FSTL5: variants seen among roughly 807,000 people sequenced by gnomAD.
FSTL5 encodes the protein follistatin-related protein 5.
In FSTL5, 62 loss-of-function variants were observed where a neutral mutation model predicts 89.1. The observed-to-expected ratio is 0.70, with a 90% CI of 0.57 to 0.86. FSTL5 has a LOEUF of 0.86. FSTL5 is among the 40% of genes least tolerant of loss of function. The probability of loss-of-function intolerance (pLI) is 0.00; values close to 1 mark genes in which losing one functional copy is unlikely to be tolerated. For synonymous variants in FSTL5, 383 were observed against 346.2 expected (o/e 1.11, Z -1.18); for missense variants, 1,057 against 1,001.6 (o/e 1.06, Z -0.75).
At chr4:161,995,501 C>A (rs1736262591) in intron 3 of FSTL5, among the ~76,000 whole-genome samples, 1 of 151,954 alleles carries the variant, frequency 6.6e-6, no homozygotes. Flanking sequence ...TGAAGAAATG[C>A]CCTTTAGGTA....
At chr4:162,014,662 T>A (rs1486182937) in intron 3 of FSTL5, among the ~76,000 whole-genome samples, 1 of 152,138 alleles carries the variant, frequency 6.6e-6, no homozygotes, top group Non-Finnish European at 1.5e-5. Flanking sequence ...ATTATCCAAG[T>A]CAAGAAAGTG....
At chr4:161,779,309 T>G (rs892254184) in intron 4 of FSTL5, among the ~76,000 whole-genome samples, 4 of 152,198 alleles carry the variant, frequency 2.6e-5, no homozygotes, top group Non-Finnish European at 4.4e-5. Context: ...TCATATTCTA[T>G]AAATATGTAC....
Position 161,715,694 on chromosome 4 carries a change from C to A in FSTL5, c.727+43717G>T, listed in dbSNP as rs556738081. Among the ~76,000 whole-genome samples the A allele has an allele frequency of 1.1e-4, 16 of 152,288 alleles. No individual in the cohort carries two copies. In the South Asian group the frequency reaches 3.1e-3, roughly 30 times the overall value. On this transcript the variant is annotated intron_variant, in intron 6 of 15. Coordinates refer to ENST00000306100, the MANE Select transcript of FSTL5 (RefSeq NM_020116.5). ...ATAGCTCCACTTAGATGCTGATAGG[C>A]ATCTGTACATATTAGATACAAAACT...
chr4:161,727,793 A>C (rs974776534), intron 6 of FSTL5, among the ~76,000 whole-genome samples: 5 of 152,188 alleles, frequency 3.3e-5, no homozygotes, highest in African/African-American at 1.2e-4. Flanking sequence ...AAAAAGTGTA[A>C]ATATAAGAGA....
chr4:161,387,665 A>C (rs1387763048), intron 15 of FSTL5: 2 of 152,174 alleles, frequency 1.3e-5, no homozygotes, highest in South Asian at 2.1e-4. Flanking sequence ...TATATTAAAT[A>C]TCATAGAAAA....
At chr4:161,913,956 T>G (rs1283084462) in intron 4 of FSTL5, among the ~76,000 whole-genome samples, 1 of 152,176 alleles carries the variant, frequency 6.6e-6, no homozygotes, top group Non-Finnish European at 1.5e-5. Flanking sequence ...ACTTTTGGGT[T>G]AATGCTGAAA....
intron 3 of FSTL5, among the ~76,000 whole-genome samples, chr4:162,030,327 A>G (rs932756570): frequency 6.6e-6 from 1 of 152,272 alleles, no homozygotes; most frequent in African/African-American, 2.4e-5. Flanking sequence ...TATATGTAGA[A>G]AACTCAATAC....
chr4:162,143,735 CACACACACACACA>C (rs1561043085), intron 1 of FSTL5, among the ~76,000 whole-genome samples: 1,501 of 134,774 alleles, frequency 0.011, 33 homozygotes, highest in African/African-American at 0.037. Context: ...CACACACACA[CACACACACACACA>C]CCCAGGAAAA....
At chr4:161,605,597 TA>T (rs1445596676) in intron 7 of FSTL5, among the ~76,000 whole-genome samples, 1 of 152,066 alleles carries the variant, frequency 6.6e-6, no homozygotes, top group Non-Finnish European at 1.5e-5. Flanking sequence ...TATTTTATGG[TA>T]AAAAAACGAA....
At chr4:161,513,703 T>C (rs993408297) in intron 10 of FSTL5, among the ~76,000 whole-genome samples, 3 of 152,118 alleles carry the variant, frequency 2.0e-5, no homozygotes, top group African/African-American at 7.2e-5. Context: ...TGAATGGAGC[T>C]GGAGGCCATT....
intron 7 of FSTL5, among the ~76,000 whole-genome samples, chr4:161,655,322 A>C (rs1349500985): frequency 6.6e-6 from 1 of 151,984 alleles, no homozygotes; most frequent in Non-Finnish European, 1.5e-5. Context: ...ATTTATTGAG[A>C]AACTATCCAG....
intron 2 of FSTL5, among the ~76,000 whole-genome samples, chr4:162,066,068 G>C (rs912461682): frequency 6.6e-6 from 1 of 151,880 alleles, no homozygotes; most frequent in African/African-American, 2.4e-5. Context: ...ACAAGATTTA[G>C]AACATTTATA....
At chr4:162,000,328 C>G (rs1459861776) in intron 3 of FSTL5, among the ~76,000 whole-genome samples, 1 of 152,102 alleles carries the variant, frequency 6.6e-6, no homozygotes, top group Non-Finnish European at 1.5e-5. Flanking sequence ...TGGTGGCTCA[C>G]GCCTGTAATC....
At chr4:161,610,693 C>T (rs1191957861) in intron 7 of FSTL5, among the ~76,000 whole-genome samples, 1 of 152,068 alleles carries the variant, frequency 6.6e-6, no homozygotes, top group Non-Finnish European at 1.5e-5. Flanking sequence ...TAGGACTCTG[C>T]TGCAAATTTC....
chr4:162,091,213 C>T (rs1730536357), intron 2 of FSTL5, among the ~76,000 whole-genome samples: 1 of 152,152 alleles, frequency 6.6e-6, no homozygotes, highest in African/African-American at 2.4e-5. Flanking sequence ...ATCCTATATG[C>T]TCCATTGCAC....
At chr4:161,625,148 C>T (rs750505953) in intron 7 of FSTL5, among the ~76,000 whole-genome samples, 12 of 152,112 alleles carry the variant, frequency 7.9e-5, no homozygotes, top group Non-Finnish European at 1.5e-4. Context: ...TGCAAATTTA[C>T]AGTCAATAAA....
At chr4:161,817,738 ATG>A (rs1369158839) in intron 4 of FSTL5, among the ~76,000 whole-genome samples, 18 of 145,524 alleles carry the variant, frequency 1.2e-4, no homozygotes, top group African/African-American at 2.8e-4. Context: ...GTGTGCACAC[ATG>A]TGTGTATTTT....
At chr4:161,763,088 C>G (rs1740864423) in intron 5 of FSTL5, among the ~76,000 whole-genome samples, 1 of 152,130 alleles carries the variant, frequency 6.6e-6, no homozygotes, top group African/African-American at 2.4e-5. Context: ...GCAAAATGAA[C>G]TATTCTCTTT....
intron 12 of FSTL5, among the ~76,000 whole-genome samples, chr4:161,483,539 T>A (rs1729588245): frequency 6.6e-6 from 1 of 152,222 alleles, no homozygotes; most frequent in Admixed American, 6.5e-5. Flanking sequence ...TGACCAGACT[T>A]ACAAGCATTT....
Sources: allele counts gnomAD v4.1 joint callset (sites outside exome capture counted in the v4.1 genomes callset), GRCh38; gene constraint gnomAD v4.1.1; transcripts MANE v1.5; gene names NCBI Gene and HGNC (gene_info 2026-07-23, HGNC 2026-07-21).